GALNT13: variants seen among roughly 807,000 people sequenced by gnomAD.
GALNT13 encodes UDP-GalNAc:polypeptide N-acetylgalactosaminyltransferase 13.
A neutral mutation model predicts 64.2 loss-of-function variants in GALNT13; 28 were observed. The observed-to-expected ratio is 0.44, with a 90% confidence interval of 0.32 to 0.60. GALNT13 has a LOEUF of 0.60. Among genes scored for constraint, GALNT13 ranks in the 20% least tolerant of loss-of-function variants. The pLI is 0.05. For synonymous variants in GALNT13, 214 were observed against 224.6 expected (o/e 0.95, Z 0.42); for missense variants, 577 against 669.8 (o/e 0.86, Z 1.53).
At chr2:154,214,068 T>C (rs1276060618) in intron 4 of GALNT13, among the ~76,000 whole-genome samples, 1 of 152,212 alleles carries the variant, frequency 6.6e-6, no homozygotes, top group Non-Finnish European at 1.5e-5. Flanking sequence ...TCACCAATGA[T>C]GTAATGAATT....
chr2:153,875,339 A>C (rs1425779975), intron 1 of GALNT13, among the ~76,000 whole-genome samples: 1 of 152,200 alleles, frequency 6.6e-6, no homozygotes, highest in East Asian at 1.9e-4. Context: ...ATTATTTATA[A>C]ATCACTTGAT....
the GALNT13 span, among the ~76,000 whole-genome samples, chr2:153,505,727 A>G: frequency 6.6e-6 from 1 of 151,978 alleles, no homozygotes; most frequent in African/African-American, 2.4e-5. Flanking sequence ...AGAGTACTTG[A>G]TATCATTTTG....
At chr2:154,238,391 G>A (rs1033135211) in intron 4 of GALNT13, among the ~76,000 whole-genome samples, 1 of 151,942 alleles carries the variant, frequency 6.6e-6, no homozygotes, top group Non-Finnish European at 1.5e-5. Flanking sequence ...AGCTTTTTCT[G>A]TAAGCTCTAT....
chr2:154,048,732 TA>T (rs1339137079), intron 3 of GALNT13, among the ~76,000 whole-genome samples: 1 of 152,216 alleles, frequency 6.6e-6, no homozygotes, highest in Non-Finnish European at 1.5e-5. Context: ...TTATTAGAGA[TA>T]ACTCAGATGT....
At chr2:153,460,172 C>T in the GALNT13 span, among the ~76,000 whole-genome samples, 4 of 152,048 alleles carry the variant, frequency 2.6e-5, no homozygotes, top group Non-Finnish European at 5.9e-5. Context: ...CTTCTCACTT[C>T]TCTCTAAGGC....
At chr2:153,681,662 T>C in the GALNT13 span, among the ~76,000 whole-genome samples, 3 of 151,820 alleles carry the variant, frequency 2.0e-5, no homozygotes, top group African/African-American at 7.2e-5. Context: ...TTCCCCTTTA[T>C]CACTCATTAT....
intron 1 of GALNT13, among the ~76,000 whole-genome samples, chr2:153,876,236 T>TAC (rs1391883849): frequency 1.9e-5 from 2 of 107,054 alleles, no homozygotes; most frequent in African/African-American, 7.3e-5. Context: ...CACACACACA[T>TAC]ACACACACAG....
At chr2:153,088,854 G>A in the GALNT13 span, among the ~76,000 whole-genome samples, 1 of 151,988 alleles carries the variant, frequency 6.6e-6, no homozygotes, top group Non-Finnish European at 1.5e-5. Context: ...TTATGTTTAT[G>A]TGAACCTTTA....
the GALNT13 span, among the ~76,000 whole-genome samples, chr2:153,195,420 A>G: frequency 6.6e-6 from 1 of 152,198 alleles, no homozygotes; most frequent in Non-Finnish European, 1.5e-5. Context: ...GCCACTGTGC[A>G]GTCAGACATG....
chr2:153,670,409 G>C, the GALNT13 span, among the ~76,000 whole-genome samples: 2 of 152,116 alleles, frequency 1.3e-5, no homozygotes, highest in African/African-American at 2.4e-5. Context: ...AGGCAAACAG[G>C]GTATGGAGTG....
the GALNT13 span, among the ~76,000 whole-genome samples, chr2:153,430,454 A>T: frequency 6.6e-6 from 1 of 151,892 alleles, no homozygotes; most frequent in Admixed American, 6.6e-5. Context: ...TATTCTTTTA[A>T]GATTTTCATT....
chr2:154,329,393 A>G (rs554366401), intron 9 of GALNT13, among the ~76,000 whole-genome samples: 36 of 152,304 alleles, frequency 2.4e-4, no homozygotes, highest in African/African-American at 8.2e-4. Context: ...GTAAGCCACC[A>G]TGCCCAGCCT....
the GALNT13 span, among the ~76,000 whole-genome samples, chr2:153,312,804 A>C: frequency 6.6e-6 from 1 of 152,210 alleles, no homozygotes; most frequent in Non-Finnish European, 1.5e-5. Context: ...GCTTTAGCTC[A>C]TCAGAGTTCA....
the GALNT13 span, among the ~76,000 whole-genome samples, chr2:153,418,672 G>A: frequency 6.6e-6 from 1 of 152,148 alleles, no homozygotes; most frequent in Non-Finnish European, 1.5e-5. Flanking sequence ...GGACTATAGA[G>A]AAAGCCAAAT....
At chr2:153,573,928 C>A in the GALNT13 span, among the ~76,000 whole-genome samples, 1 of 151,976 alleles carries the variant, frequency 6.6e-6, no homozygotes, top group East Asian at 1.9e-4. Flanking sequence ...CTTAGCATAA[C>A]CAATAAGTTT....
chr2:154,243,921 G>C (rs1689633277), intron 6 of GALNT13, among the ~76,000 whole-genome samples: 4 of 152,202 alleles, frequency 2.6e-5, no homozygotes, highest in Admixed American at 2.0e-4. Flanking sequence ...GAAGCTGTCA[G>C]TAAAATGAAG....
chr2:154,187,948 T>C (rs1456716024), intron 4 of GALNT13, among the ~76,000 whole-genome samples: 2 of 151,902 alleles, frequency 1.3e-5, no homozygotes, highest in Non-Finnish European at 2.9e-5. Context: ...TGAGAAGAAT[T>C]CCCTTGGTGA....
chr2:153,574,892 G>T, the GALNT13 span, among the ~76,000 whole-genome samples: 1 of 152,036 alleles, frequency 6.6e-6, no homozygotes, highest in Admixed American at 6.6e-5. Flanking sequence ...TTTAGTTGGT[G>T]AGTTTATGTT....
the GALNT13 span, among the ~76,000 whole-genome samples, chr2:153,631,822 T>C: frequency 6.6e-6 from 1 of 152,192 alleles, no homozygotes; most frequent in Non-Finnish European, 1.5e-5. Flanking sequence ...TTAGATCCCA[T>C]TTGTCAACTT....
Sources: gnomAD v4.1 joint callset for allele counts (sites outside exome capture counted in the v4.1 genomes callset) on GRCh38, gnomAD v4.1.1 for gene constraint, MANE v1.5 for transcripts, NCBI Gene and HGNC (gene_info 2026-07-23, HGNC 2026-07-21) for gene names.